VGLL4: variants seen among roughly 807,000 people sequenced by gnomAD.
The protein encoded by VGLL4 is transcription cofactor vestigial-like protein 4.
In VGLL4, 7 loss-of-function variants were observed where a neutral mutation model predicts 21.0. That is an observed-to-expected ratio of 0.33 (90% CI 0.19 to 0.63). The LOEUF is 0.63. VGLL4 is among the 20% of genes least tolerant of loss of function. The pLI is 0.78. For synonymous variants in VGLL4, 222 were observed against 173.2 expected, an observed-to-expected ratio of 1.28 and a Z score of -2.21; for missense variants, 394 against 425.7, an observed-to-expected ratio of 0.93 and a Z score of 0.66.
chr3:11,636,220 T>TC (rs1388835170), intron 1 of VGLL4, among the ~76,000 whole-genome samples: 2 of 152,162 alleles, frequency 1.3e-5, no homozygotes, highest in Non-Finnish European at 2.9e-5. Flanking sequence ...GTGTAGAGTC[T>TC]CCCAGCTGGA....
chr3:11,585,855 T>G (rs2074350118), intron 2 of VGLL4, among the ~76,000 whole-genome samples: 1 of 152,102 alleles, frequency 6.6e-6, no homozygotes, highest in Admixed American at 6.5e-5. Flanking sequence ...ACCACACATA[T>G]CCTAAATCCC....
intron 2 of VGLL4, among the ~76,000 whole-genome samples, chr3:11,685,173 T>G (rs1486818624): frequency 2.6e-5 from 4 of 151,760 alleles, no homozygotes; most frequent in Admixed American, 6.6e-5. Context: ...CGTGCTTTTT[T>G]GTAGCTGCAT....
At chr3:11,647,510 T>G (rs904505368), upstream of VGLL4, among the ~76,000 whole-genome samples, 1 of 152,184 alleles carries the variant, frequency 6.6e-6, no homozygotes, top group Non-Finnish European at 1.5e-5. Context: ...TTTGGAATAG[T>G]TGCATTATAC....
chr3:11,646,556 GA>G (rs78117287), upstream of VGLL4, among the ~76,000 whole-genome samples: 313 of 133,558 alleles, frequency 2.3e-3, no homozygotes, highest in African/African-American at 4.6e-3. Context: ...ATCTAGGGAG[GA>G]AAAAAAAAAA....
At position 11,559,400 on chromosome 3, in the gene VGLL4, G is replaced by T; in HGVS notation, c.551C>A (p.Ser184Ter). Reference sequence around the variant, plus strand: ...GCCGCTGTGCGCGATGGGGCAGTGCGAGAGGTTGCAGTTGCGGGCGCCAGC... The same window carrying T: ...GCCGCTGTGCGCGATGGGGCAGTGCTAGAGGTTGCAGTTGCGGGCGCCAGC... ...ASAGARNCNL[S>*]HCPIAHSGCA... The change falls in exon 4 of 5, where the codon TCG (serine) becomes TAG (stop). Residue 184 changes from serine (S) to a stop codon, truncating the protein, a stop_gained. Coordinates refer to ENST00000430365, the MANE Select transcript of VGLL4 (RefSeq NM_001128219.3). LOFTEE classifies it high-confidence loss of function. 2 of 1,562,112 alleles carry T rather than the reference G, an allele frequency of 1.3e-6. No individual in the cohort carries two copies. Among genetic ancestry groups the T allele is most frequent in the South Asian group, 1.2e-5 (1 of 84,884 alleles).
exon 1 of VGLL4, chr3:11,720,556 A>T (rs1433108324): frequency 1.3e-5 from 2 of 152,124 alleles, no homozygotes; most frequent in Non-Finnish European, 2.9e-5. Flanking sequence ...GCACACGCAC[A>T]CGCGCACAAC....
At chr3:11,712,904 G>C (rs899411792) in intron 1 of VGLL4, among the ~76,000 whole-genome samples, 2 of 152,178 alleles carry the variant, frequency 1.3e-5, no homozygotes, top group African/African-American at 4.8e-5. Flanking sequence ...TCTTCTAACA[G>C]AGGTAGGCAT....
At chr3:11,610,346 G>A (rs1202496694) in intron 1 of VGLL4, 6 of 152,220 alleles carry the variant, frequency 3.9e-5, no homozygotes, top group Admixed American at 3.3e-4. Context: ...TTCAACTTGT[G>A]GCTAGCCCCA....
chr3:11,656,648 G>A (rs918217010), intron 2 of VGLL4, among the ~76,000 whole-genome samples: 2 of 152,132 alleles, frequency 1.3e-5, no homozygotes, highest in African/African-American at 4.8e-5. Flanking sequence ...CGAGGGGAGG[G>A]AGAGCACACC....
chr3:11,627,230 A>ACACACACACACACACC (rs1491347863), intron 1 of VGLL4: 2 of 123,270 alleles, frequency 1.6e-5, no homozygotes, highest in African/African-American at 3.3e-5. Flanking sequence ...ACACACACAC[A>ACACACACACACACACC]CTCTCTCTCT....
At chr3:11,593,577 A>G (rs543909641) in intron 2 of VGLL4, among the ~76,000 whole-genome samples, 1 of 152,188 alleles carries the variant, frequency 6.6e-6, no homozygotes, top group East Asian at 1.9e-4. Flanking sequence ...AGGAAAAAAC[A>G]AAACAAAACA....
intron 2 of VGLL4, among the ~76,000 whole-genome samples, chr3:11,600,244 C>T (rs1173621619): frequency 6.6e-6 from 1 of 152,106 alleles, no homozygotes; most frequent in African/African-American, 2.4e-5. Context: ...GTCAAGGATA[C>T]TGGGCCCAGC....
intron 2 of VGLL4, among the ~76,000 whole-genome samples, chr3:11,650,841 T>C (rs1379469367): frequency 6.6e-6 from 1 of 152,116 alleles, no homozygotes; most frequent in African/African-American, 2.4e-5. Context: ...AAGCATCAGT[T>C]AAACAATAAG....
chr3:11,705,072 T>C (rs1273749510), intron 1 of VGLL4, among the ~76,000 whole-genome samples: 2 of 152,164 alleles, frequency 1.3e-5, no homozygotes, highest in East Asian at 1.9e-4. Context: ...GAAATTTAGA[T>C]TGGGACCACA....
At chr3:11,703,099 ACT>A in intron 1 of VGLL4, 1 of 1,493,588 alleles carries the variant, frequency 6.7e-7, no homozygotes, top group South Asian at 1.2e-5. Context: ...AATTCAAAAG[ACT>A]CTTAGAATCC....
At chr3:11,608,014 A>G (rs1435937706) in intron 1 of VGLL4, among the ~76,000 whole-genome samples, 1 of 152,212 alleles carries the variant, frequency 6.6e-6, no homozygotes, top group Non-Finnish European at 1.5e-5. Flanking sequence ...CAAGGGTGGG[A>G]GGCAAAAGCA....
chr3:11,574,593 G>C (rs919516261), intron 2 of VGLL4, among the ~76,000 whole-genome samples: 2 of 152,146 alleles, frequency 1.3e-5, no homozygotes, highest in African/African-American at 4.8e-5. Context: ...GACCACTGTA[G>C]GGTGACTGCA....
At chr3:11,699,501 G>A (rs1255850227) in intron 2 of VGLL4, 1 of 152,136 alleles carries the variant, frequency 6.6e-6, no homozygotes, top group Non-Finnish European at 1.5e-5. Flanking sequence ...AGCAACTGGA[G>A]TCATTTGAGT....
At chr3:11,660,913 G>T (rs894519924) in intron 2 of VGLL4, among the ~76,000 whole-genome samples, 1 of 152,140 alleles carries the variant, frequency 6.6e-6, no homozygotes, top group African/African-American at 2.4e-5. Flanking sequence ...TTTCGGCCTT[G>T]TTTCCAATAG....
Sources: gnomAD v4.1 joint callset for allele counts (sites outside exome capture counted in the v4.1 genomes callset) on GRCh38, gnomAD v4.1.1 for gene constraint, MANE v1.5 for transcripts, NCBI Gene and HGNC (gene_info 2026-07-23, HGNC 2026-07-21) for gene names.